Variants in IGF1 observed in about 807,000 individuals in gnomAD.
IGF1 encodes insulin-like growth factor 1.
IGF1 carries 4 observed loss-of-function variants against 13.8 expected under a neutral mutation model. That is an observed-to-expected ratio of 0.29 (90% CI 0.14 to 0.66). IGF1 has a LOEUF of 0.66. Among genes scored for constraint, IGF1 ranks in the 30% least tolerant of loss-of-function variants. IGF1 has a pLI of 0.78. For synonymous variants in IGF1, 76 were observed against 72.6 expected, an observed-to-expected ratio of 1.05 and a Z score of -0.23; for missense variants, 124 against 188.5, an observed-to-expected ratio of 0.66 and a Z score of 2.00.
chr12:102,442,997 CT>C (rs1375943510), intron 2 of IGF1, among the ~76,000 whole-genome samples: 1 of 151,974 alleles, frequency 6.6e-6, no homozygotes, highest in East Asian at 1.9e-4. Context: ...GATCACAAAG[CT>C]CATTAAGTGA....
intron 2 of IGF1, among the ~76,000 whole-genome samples, chr12:102,458,233 C>A (rs879877889): frequency 2.6e-5 from 4 of 152,102 alleles, no homozygotes; most frequent in African/African-American, 9.7e-5. Flanking sequence ...TTTTTTCTAG[C>A]GTATTTGTGC....
chr12:102,431,246 C>T (rs1285518998), intron 2 of IGF1, among the ~76,000 whole-genome samples: 5 of 152,292 alleles, frequency 3.3e-5, no homozygotes, highest in African/African-American at 9.6e-5. Flanking sequence ...TCCATGGAAG[C>T]GTGAACGCTT....
chr12:102,398,752 T>G lies in IGF1; in HGVS notation c.*3755A>C, dbSNP rs1251045189. 6.6e-6 allele frequency: 1 copy of G among 152,226 alleles called. No homozygotes were observed. Among genetic ancestry groups the G allele is most frequent in the Admixed American group, 6.6e-5 (1 of 15,266 alleles). The allele number at this position is 152,226 out of a possible 1,614,324, so 9.4% of individuals were successfully genotyped here. ...CCATCTATCTATAGAATTGTTGTTT[T>G]TATACTTTAAAAAAATATGTCTATG... On this transcript the variant is annotated 3_prime_UTR_variant, in exon 4 of 4. Coordinates refer to ENST00000337514, the MANE Select transcript of IGF1 (RefSeq NM_000618.5).
intron 2 of IGF1, among the ~76,000 whole-genome samples, chr12:102,440,426 G>A (rs1482315978): frequency 1.3e-5 from 2 of 152,182 alleles, no homozygotes; most frequent in Non-Finnish European, 2.9e-5. Flanking sequence ...ATTTCAGAGC[G>A]AATCCAGACC....
intron 3 of IGF1, among the ~76,000 whole-genome samples, chr12:102,413,663 A>C (rs756574563): frequency 6.6e-6 from 1 of 152,196 alleles, no homozygotes; most frequent in African/African-American, 2.4e-5. Context: ...CTGCATTTCT[A>C]TTTATTTTGG....
intron 3 of IGF1, among the ~76,000 whole-genome samples, chr12:102,404,850 C>T (rs1312870013): frequency 1.3e-5 from 2 of 150,990 alleles, no homozygotes; most frequent in South Asian, 2.1e-4. Context: ...CTCTGCCTCC[C>T]GGGTTCAAGT....
At chr12:102,426,410 A>G (rs1349442884) in intron 2 of IGF1, among the ~76,000 whole-genome samples, 1 of 152,244 alleles carries the variant, frequency 6.6e-6, no homozygotes, top group Non-Finnish European at 1.5e-5. Flanking sequence ...GAATTGGTTA[A>G]CATAGCTAGT....
chr12:102,413,993 G>C (rs540248597), intron 3 of IGF1, among the ~76,000 whole-genome samples: 1 of 152,270 alleles, frequency 6.6e-6, no homozygotes, highest in South Asian at 2.1e-4. Flanking sequence ...GCAAGCTTGG[G>C]CTTGAAGTTT....
intron 1 of IGF1, chr12:102,478,387 T>A (rs1881202663): frequency 2.6e-6 from 2 of 766,168 alleles, no homozygotes; most frequent in Middle Eastern, 2.5e-4. Flanking sequence ...CTTTTTTTTT[T>A]AATCTTAGAT....
At chr12:102,416,059 G>T (rs927043082) in intron 3 of IGF1, among the ~76,000 whole-genome samples, 1 of 152,194 alleles carries the variant, frequency 6.6e-6, no homozygotes, top group Admixed American at 6.5e-5. Context: ...GTAATCCTGG[G>T]TTTTCAGTGA....
chr12:102,404,453 C>T (rs774462720), intron 3 of IGF1, among the ~76,000 whole-genome samples: 2 of 152,166 alleles, frequency 1.3e-5, no homozygotes, highest in African/African-American at 2.4e-5. Context: ...AGAGTTATCA[C>T]CAAGTCCTTC....
chr12:102,465,720 T>C (rs1592824750), intron 2 of IGF1, among the ~76,000 whole-genome samples: 1 of 152,266 alleles, frequency 6.6e-6, no homozygotes, highest in East Asian at 1.9e-4. Flanking sequence ...GCGGATCACC[T>C]GAGGTCAGGA....
rs897324365 is a variant in IGF1, at chr12:102,401,251, T to A, written c.*1256A>T. The A allele has an allele frequency of 1.2e-5, 2 of 161,732 alleles. No individual in the cohort carries two copies. Among genetic ancestry groups the A allele is most frequent in the African/African-American group, 4.8e-5 (2 of 41,544 alleles). 10.0% of individuals were successfully genotyped at this position (161,732 alleles called of 1,614,324 possible). ...ATGAGGAAACTGAGGCACAGAGAGG[T>A]GAAGTGACTTGCCCAAGGTCACACA... On this transcript the variant is annotated 3_prime_UTR_variant, in exon 4 of 4. Coordinates refer to ENST00000337514, the MANE Select transcript of IGF1 (RefSeq NM_000618.5).
chr12:102,479,725 T>A (rs1446912368), intron 1 of IGF1, among the ~76,000 whole-genome samples: 1 of 152,190 alleles, frequency 6.6e-6, no homozygotes, highest in Admixed American at 6.5e-5. Context: ...GAGTTCTTTT[T>A]TGGAAGAACA....
intron 2 of IGF1, among the ~76,000 whole-genome samples, chr12:102,434,634 G>T (rs1260205003): frequency 6.6e-6 from 1 of 151,968 alleles, no homozygotes; most frequent in Non-Finnish European, 1.5e-5. Context: ...CTTTATAGCA[G>T]CATGATTTAT....
chr12:102,438,278 C>A (rs553932425), intron 2 of IGF1, among the ~76,000 whole-genome samples: 4 of 152,322 alleles, frequency 2.6e-5, no homozygotes, highest in African/African-American at 9.6e-5. Flanking sequence ...GACTGGCCTG[C>A]ACATTGGCTG....
At chr12:102,462,566 T>C (rs979063790) in intron 2 of IGF1, among the ~76,000 whole-genome samples, 6 of 152,174 alleles carry the variant, frequency 3.9e-5, no homozygotes, top group Non-Finnish European at 8.8e-5. Context: ...TCTACAGAAA[T>C]GCCAGCCAGA....
intron 2 of IGF1, among the ~76,000 whole-genome samples, chr12:102,426,692 C>G (rs929679017): frequency 2.0e-5 from 3 of 152,196 alleles, no homozygotes; most frequent in Non-Finnish European, 4.4e-5. Context: ...AAATAATCCA[C>G]TGGTTAAAAT....
rs1324416371 is a variant in IGF1, at chr12:102,477,506, T to C, written c.64-1707A>G. On this transcript the variant is annotated intron_variant, in intron 1 of 3. Transcript: ENST00000337514. ...CCTACATAGCCCAAAACACTGGGAC[T>C]GGAAGAAGCATGTTATCATCCAGTT... Among the ~76,000 whole-genome samples, 4 of 150,212 alleles carry C rather than the reference T, an allele frequency of 2.7e-5. No homozygotes were observed. In the Admixed American group the frequency reaches 2.7e-4, roughly 10 times the overall value.
Sources: gnomAD v4.1 joint callset for allele counts (sites outside exome capture counted in the v4.1 genomes callset) on GRCh38, gnomAD v4.1.1 for gene constraint, MANE v1.5 for transcripts, NCBI Gene and HGNC (gene_info 2026-07-23, HGNC 2026-07-21) for gene names.